KCNQ4: variants seen among roughly 807,000 people sequenced by gnomAD.
The protein encoded by KCNQ4 is potassium voltage-gated channel subfamily Q member 4, also known as potassium voltage-gated channel subfamily KQT member 4.
KCNQ4 carries 31 observed loss-of-function variants against 72.6 expected under a neutral mutation model. That is an observed-to-expected ratio of 0.43 (90% CI 0.32 to 0.58). KCNQ4 has a LOEUF of 0.58. Ranked by LOEUF, KCNQ4 falls within the 20% of genes least tolerant of loss-of-function variation. KCNQ4 has a pLI of 0.08. For missense variants in KCNQ4, 869 were observed against 962.6 expected (o/e 0.90, Z 1.29); for synonymous variants, 405 against 403.7 (o/e 1.00, Z -0.04).
In KCNQ4 at chr1:40,839,630, C is replaced by T. The variant is rs559359364; in HGVS notation, c.*1107C>T. ...GAGAGCTCTCCAGGCCCCACCCAGACCTTTACCCGCTCCCCTTCTTCAAGA... is the reference window on the plus strand; with the variant it reads ...GAGAGCTCTCCAGGCCCCACCCAGATCTTTACCCGCTCCCCTTCTTCAAGA... On this transcript the variant is annotated 3_prime_UTR_variant, in exon 14 of 14. Transcript: ENST00000347132. 3.3e-5 allele frequency: 5 copies of T among 152,488 alleles called. No homozygotes were observed. The highest frequency in any genetic ancestry group is 1.2e-4 in the African/African-American group (5 of 41,556). 9.4% of individuals were successfully genotyped at this position (152,488 alleles called of 1,614,324 possible). A position where few individuals can be genotyped will look rare whatever the true frequency, so the allele number is the denominator to read the frequency against.
At chr1:40,805,417 G>A (rs750424428) in intron 1 of KCNQ4, among the ~76,000 whole-genome samples, 2 of 152,040 alleles carry the variant, frequency 1.3e-5, no homozygotes, top group African/African-American at 2.4e-5. Flanking sequence ...CTGCCTCTCT[G>A]CCCTCACCCC....
rs1647186288 is a variant in KCNQ4 at position 40,784,715 on chromosome 1, A to G, written c.314+308A>G. ...CTCCCGACCGCCAGCTGCCTCCCCCAAGTCCGCTTGGCGAAGTCTGGGGCC... is the reference window on the plus strand; with the variant it reads ...CTCCCGACCGCCAGCTGCCTCCCCCGAGTCCGCTTGGCGAAGTCTGGGGCC... On this transcript the variant is annotated intron_variant, in intron 1 of 13. Coordinates refer to ENST00000347132, the MANE Select transcript of KCNQ4 (RefSeq NM_004700.4). The surrounding 1 kb of genome is among the most constrained non-coding windows in gnomAD (Gnocchi z 4.1). Among the ~76,000 whole-genome samples the G allele has an allele frequency of 6.6e-6, 1 of 151,842 alleles. No homozygotes were observed. The highest frequency in any genetic ancestry group is 1.5e-5 in the Non-Finnish European group (1 of 67,922).
chr1:40,795,479 T>C (rs1406079973), intron 1 of KCNQ4, among the ~76,000 whole-genome samples: 3 of 151,488 alleles, frequency 2.0e-5, no homozygotes, highest in African/African-American at 4.9e-5. Context: ...CCAGGCTGGT[T>C]TCGAATTCCT....
intron 9 of KCNQ4, among the ~76,000 whole-genome samples, chr1:40,825,976 C>T (rs188710699): frequency 1.8e-3 from 269 of 152,272 alleles, no homozygotes; most frequent in Non-Finnish European, 3.4e-3. Context: ...GGGGACTTGG[C>T]GAGTGTCTGG....
rs1648940643 is a variant in KCNQ4 at position 40,840,358 on chromosome 1, A to G, written c.*1835A>G. On this transcript the variant is annotated 3_prime_UTR_variant, in exon 14 of 14. Coordinates refer to ENST00000347132, the MANE Select transcript of KCNQ4 (RefSeq NM_004700.4). ...GGAAGAAGCCCTCCTTCCTTCCACG[A>G]TCGAGGTTCCGCCATCAACTCGGTT... 6.6e-6 allele frequency: 1 copy of G among 152,216 alleles called. No individual in the cohort carries two copies. The highest frequency in any genetic ancestry group is 6.5e-5 in the Admixed American group (1 of 15,280). 9.4% of individuals were successfully genotyped at this position (152,216 alleles called of 1,614,324 possible). A position where few individuals can be genotyped will look rare whatever the true frequency, so the allele number is the denominator to read the frequency against.
intron 8 of KCNQ4, among the ~76,000 whole-genome samples, chr1:40,823,111 G>A (rs934502362): frequency 1.3e-5 from 2 of 152,214 alleles, no homozygotes; most frequent in African/African-American, 2.4e-5. Flanking sequence ...GCGCTTCTGC[G>A]GGTGCCTTTT....
intron 1 of KCNQ4, among the ~76,000 whole-genome samples, chr1:40,791,170 A>T (rs1393603011): frequency 6.6e-6 from 1 of 151,784 alleles, no homozygotes; most frequent in Non-Finnish European, 1.5e-5. Flanking sequence ...GAAGGTGTCC[A>T]CCCCCACTCC....
intron 1 of KCNQ4, among the ~76,000 whole-genome samples, chr1:40,785,189 C>T (rs1236846116): frequency 6.6e-6 from 1 of 152,206 alleles, no homozygotes; most frequent in African/African-American, 2.4e-5. Context: ...TGCTGGGGCC[C>T]CCTCCTCCCT....
intron 7 of KCNQ4, among the ~76,000 whole-genome samples, chr1:40,821,366 T>C (rs918392492): frequency 4.6e-5 from 7 of 152,164 alleles, no homozygotes; most frequent in African/African-American, 1.7e-4. Context: ...ACAAGAGGCA[T>C]CCAAAGAAGG....
At chr1:40,806,609 C>T (rs1647768414) in intron 1 of KCNQ4, among the ~76,000 whole-genome samples, 1 of 152,122 alleles carries the variant, frequency 6.6e-6, no homozygotes, top group African/African-American at 2.4e-5. Context: ...CAAGCTGGCT[C>T]AATAAAAACT....
At position 40,818,613 on chromosome 1, in the gene KCNQ4, T is replaced by C. The variant is rs1210326331; in HGVS notation, c.641T>C (p.Met214Thr). 1 of 1,606,918 alleles carries C rather than the reference T, an allele frequency of 6.2e-7. No homozygotes were observed. Among genetic ancestry groups the C allele is most frequent in the Non-Finnish European group, 8.5e-7 (1 of 1,179,630 alleles). ...RSMRFLQILRMVRMDRRGGTW... is the reference protein window; with the variant it reads ...RSMRFLQILRTVRMDRRGGTW... ...ATGCGCTTCCTGCAGATCCTGCGCA[T>C]GGTGCGCATGGACCGCCGCGGCGGC... is the stretch of plus-strand genomic sequence containing the variant. The change falls in exon 4 of 14, where the codon ATG becomes ACG. Residue 214 changes from methionine to threonine, a missense_variant. By Grantham distance (81) the Met-to-Thr change is moderately conservative. Coordinates refer to ENST00000347132, the MANE Select transcript of KCNQ4 (RefSeq NM_004700.4).
rs933062716 is a variant in KCNQ4 at position 40,824,957 on chromosome 1, G to A, written c.1292+699G>A. On this transcript the variant is annotated intron_variant, in intron 9 of 13. Coordinates refer to ENST00000347132, the MANE Select transcript of KCNQ4 (RefSeq NM_004700.4). ...TCTTTCCCCTTGAACTGTCTCTCCT[G>A]AAGCTTTTTACAAAATCTTGAAAGA... Among the ~76,000 whole-genome samples, 121 of 152,308 alleles carry A rather than the reference G, an allele frequency of 7.9e-4. 4 individuals carry two copies. The highest frequency in any genetic ancestry group is 4.1e-4 in the South Asian group (2 of 4,824).
chr1:40,786,865 G>A lies in KCNQ4; in HGVS notation c.314+2458G>A, dbSNP rs113262377. 4.1e-4 allele frequency among the ~76,000 whole-genome samples: 63 copies of A among 152,134 alleles called. 1 individual carries two copies. Among genetic ancestry groups the A allele is most frequent in the Non-Finnish European group, 1.0e-4 (7 of 68,020 alleles). On this transcript the variant is annotated intron_variant, in intron 1 of 13. Coordinates refer to ENST00000347132, the MANE Select transcript of KCNQ4 (RefSeq NM_004700.4). Reference sequence around the variant, plus strand: ...AGAAGGTCTCTCCTGTTTGTGAGGAGCTCCAGATGTGGGGTTTCTCAGTCA... The same window carrying A: ...AGAAGGTCTCTCCTGTTTGTGAGGAACTCCAGATGTGGGGTTTCTCAGTCA...
At chr1:40,800,973 C>T (rs1182256568) in intron 1 of KCNQ4, among the ~76,000 whole-genome samples, 4 of 152,204 alleles carry the variant, frequency 2.6e-5, no homozygotes, top group Non-Finnish European at 5.9e-5. Flanking sequence ...GTGGAGAAGT[C>T]GAGTGTCGCT....
At chr1:40,792,685 G>A (rs772755636) in intron 1 of KCNQ4, among the ~76,000 whole-genome samples, 2 of 152,158 alleles carry the variant, frequency 1.3e-5, no homozygotes, top group African/African-American at 2.4e-5. Context: ...GACGGGGGAC[G>A]GGGAAAGGAC....
chr1:40,804,944 A>G (rs1570812667), intron 1 of KCNQ4: 1 of 152,162 alleles, frequency 6.6e-6, no homozygotes, highest in African/African-American at 2.4e-5. Context: ...AGCTATTCCA[A>G]TCAGGTGTCC....
intron 3 of KCNQ4, 73 bp downstream of exon 3, chr1:40,818,363 G>T (rs2148318040): frequency 1.2e-6 from 2 of 1,602,948 alleles, no homozygotes; most frequent in South Asian, 2.2e-5. Context: ...TCCCAATCCC[G>T]ACTCTGACCC....
intron 1 of KCNQ4, among the ~76,000 whole-genome samples, chr1:40,802,342 T>G (rs1647604301): frequency 1.3e-5 from 2 of 152,136 alleles, no homozygotes; most frequent in African/African-American, 4.8e-5. Flanking sequence ...GGCCCGCTGC[T>G]CGCCTTTCAG....
At chr1:40,823,805 G>A (rs1055134001) in intron 8 of KCNQ4, among the ~76,000 whole-genome samples, 1 of 152,230 alleles carries the variant, frequency 6.6e-6, no homozygotes, top group Non-Finnish European at 1.5e-5. Flanking sequence ...GAGGAGGCAC[G>A]GCACGTTCAG....
Sources: gnomAD v4.1 joint callset for allele counts (sites outside exome capture counted in the v4.1 genomes callset) on GRCh38, gnomAD v4.1.1 for gene constraint, Gnocchi (gnomAD v3.1) non-coding constraint, MANE v1.5 for transcripts, NCBI Gene and HGNC (gene_info 2026-07-23, HGNC 2026-07-21) for gene names.